Variants in PBX1 observed in about 807,000 individuals in gnomAD.
PBX1 encodes the protein pre-B-cell leukemia transcription factor 1.
A neutral mutation model predicts 53.4 loss-of-function variants in PBX1; 6 were observed. That is an observed-to-expected ratio of 0.11 (90% CI 0.06 to 0.22). The LOEUF is 0.22. Ranked by LOEUF, PBX1 falls within the 10% of genes least tolerant of loss-of-function variation. The pLI is 1.00. For synonymous variants in PBX1, 204 were observed against 212.3 expected (o/e 0.96, Z 0.34); for missense variants, 251 against 551.4 (o/e 0.46, Z 5.46).
chr1:164,662,724 G>A (rs963686211), intron 2 of PBX1, among the ~76,000 whole-genome samples: 5 of 152,040 alleles, frequency 3.3e-5, no homozygotes, highest in African/African-American at 1.2e-4. Flanking sequence ...TGTCTTTCCC[G>A]TAATTGCCTA....
At chr1:164,679,423 A>G (rs1434145327) in intron 2 of PBX1, among the ~76,000 whole-genome samples, 1 of 152,210 alleles carries the variant, frequency 6.6e-6, no homozygotes, top group Non-Finnish European at 1.5e-5. Flanking sequence ...GGACCTTAGT[A>G]GGAGACAAGT....
At chr1:164,715,699 A>G (rs1156918488) in intron 2 of PBX1, among the ~76,000 whole-genome samples, 2 of 152,216 alleles carry the variant, frequency 1.3e-5, no homozygotes, top group Admixed American at 6.5e-5. Context: ...TTCAAAGTCT[A>G]TAACTGGACT....
intron 8 of PBX1, among the ~76,000 whole-genome samples, chr1:164,837,928 C>T (rs1671117221): frequency 6.6e-6 from 1 of 152,210 alleles, no homozygotes; most frequent in Non-Finnish European, 1.5e-5. Context: ...CACCCCGTGT[C>T]TCAGATCCCT....
intron 2 of PBX1, among the ~76,000 whole-genome samples, chr1:164,874,813 C>T (rs1053108324): frequency 6.6e-6 from 1 of 152,122 alleles, no homozygotes; most frequent in African/African-American, 2.4e-5. Context: ...AATTTTTACA[C>T]ATCAATCCAC....
At chr1:164,789,905 C>A (rs1238128154) in intron 2 of PBX1, among the ~76,000 whole-genome samples, 2 of 151,978 alleles carry the variant, frequency 1.3e-5, no homozygotes, top group Non-Finnish European at 1.5e-5. Flanking sequence ...TGCCCCAGCA[C>A]AATGTTTTGA....
chr1:164,643,451 A>G (rs910452883), intron 2 of PBX1, among the ~76,000 whole-genome samples: 4 of 152,136 alleles, frequency 2.6e-5, no homozygotes, highest in Non-Finnish European at 4.4e-5. Flanking sequence ...TCTTTGGCTC[A>G]CTTTCTAGCC....
At chr1:164,832,730 A>G (rs941574474) in intron 8 of PBX1, among the ~76,000 whole-genome samples, 12 of 152,288 alleles carry the variant, frequency 7.9e-5, no homozygotes, top group Admixed American at 2.6e-4. Context: ...TTAGTAATCA[A>G]CTACAAAGCA....
chr1:164,605,655 A>G (rs1571050635), intron 2 of PBX1, among the ~76,000 whole-genome samples: 2 of 152,360 alleles, frequency 1.3e-5, no homozygotes, highest in South Asian at 2.1e-4. Flanking sequence ...CTGACCAAGC[A>G]TATAAATAAA....
At position 164,677,193 on chromosome 1, in the gene PBX1, C is replaced by T. The variant is rs1054001827; in HGVS notation, c.265+113882C>T. On this transcript the variant is annotated intron_variant, in intron 2 of 8. Transcript: ENST00000420696. The stretch of plus-strand genomic sequence containing the variant: ...CTGCAAGCTCCGCTTCCCGGGTTCA[C>T]GCCATTCTCCTGCCTCAGCCTCCCG... Among the ~76,000 whole-genome samples, 16 of 151,466 alleles carry T rather than the reference C, an allele frequency of 1.1e-4. 1 individual carries two copies. Among genetic ancestry groups the T allele is most frequent in the Non-Finnish European group, 7.4e-5 (5 of 67,924 alleles).
intron 2 of PBX1, among the ~76,000 whole-genome samples, chr1:164,573,587 G>A (rs1449387168): frequency 1.3e-5 from 2 of 150,490 alleles, no homozygotes; most frequent in Non-Finnish European, 2.9e-5. Flanking sequence ...TGCCTCCCGG[G>A]TTCAAGGGAT....
Position 164,848,358 on chromosome 1 carries a change from T to C in PBX1, c.*1682T>C. Reference sequence around the variant, plus strand: ...ATTTTGGTGCCTCATTTTCTTCATCTGTGAGATGGGAACTGTTATGCCTGG... The same window carrying C: ...ATTTTGGTGCCTCATTTTCTTCATCCGTGAGATGGGAACTGTTATGCCTGG... On this transcript the variant is annotated 3_prime_UTR_variant, in exon 9 of 9. Transcript: ENST00000420696. 1 of 1,057,210 alleles carries C rather than the reference T, an allele frequency of 9.5e-7. No individual in the cohort carries two copies. Among genetic ancestry groups the C allele is most frequent in the Non-Finnish European group, 1.1e-6 (1 of 874,228 alleles). 65.5% of individuals were successfully genotyped at this position (1,057,210 alleles called of 1,614,324 possible).
At chr1:164,696,041 C>G (rs1398838417) in intron 2 of PBX1, among the ~76,000 whole-genome samples, 1 of 152,180 alleles carries the variant, frequency 6.6e-6, no homozygotes, top group African/African-American at 2.4e-5. Flanking sequence ...CATTGATAGT[C>G]TGTCATTGAA....
chr1:164,719,971 T>C (rs1431792564), intron 2 of PBX1, among the ~76,000 whole-genome samples: 2 of 152,210 alleles, frequency 1.3e-5, no homozygotes, highest in Non-Finnish European at 2.9e-5. Flanking sequence ...GCTGACCTTT[T>C]CGTGAAGCAT....
chr1:164,868,743 G>T (rs1672280095), intron 2 of PBX1, among the ~76,000 whole-genome samples: 3 of 152,222 alleles, frequency 2.0e-5, no homozygotes, highest in African/African-American at 7.2e-5. Context: ...GCTCCTAGCA[G>T]TCTGCGAGCC....
intron 2 of PBX1, among the ~76,000 whole-genome samples, chr1:164,734,936 T>G (rs1665186602): frequency 6.6e-6 from 1 of 152,148 alleles, no homozygotes; most frequent in African/African-American, 2.4e-5. Flanking sequence ...ATAGATAAGA[T>G]GAAAAGGGAA....
At chr1:164,831,073 G>A (rs1261825549) in intron 8 of PBX1, among the ~76,000 whole-genome samples, 2 of 151,978 alleles carry the variant, frequency 1.3e-5, no homozygotes, top group Admixed American at 6.6e-5. Flanking sequence ...CAAACATATG[G>A]AAAACTGGAA....
intron 8 of PBX1, among the ~76,000 whole-genome samples, chr1:164,834,365 A>G (rs1369353512): frequency 7.1e-5 from 10 of 140,362 alleles, no homozygotes; most frequent in Admixed American, 5.8e-4. Context: ...TTTTTTTGAG[A>G]CAGAGTCTCA....
At chr1:164,613,634 A>G (rs1183522818) in intron 2 of PBX1, among the ~76,000 whole-genome samples, 1 of 152,210 alleles carries the variant, frequency 6.6e-6, no homozygotes, top group Non-Finnish European at 1.5e-5. Flanking sequence ...CCCACGCTGA[A>G]CACCAGCAAT....
chr1:164,812,252 T>C, intron 6 of PBX1, 103 bp downstream of exon 6: 3 of 1,113,410 alleles, frequency 2.7e-6, no homozygotes, highest in Non-Finnish European at 3.8e-6. Flanking sequence ...AGGCTTTTGA[T>C]TGGTTAATTT....
Sources: allele counts gnomAD v4.1 joint callset (sites outside exome capture counted in the v4.1 genomes callset), GRCh38; gene constraint gnomAD v4.1.1; transcripts MANE v1.5; gene names NCBI Gene and HGNC (gene_info 2026-07-23, HGNC 2026-07-21).